Variants in RGS6 observed in about 807,000 individuals in gnomAD.
RGS6 encodes regulator of G-protein signaling 6.
RGS6 carries 30 observed loss-of-function variants against 78.5 expected under a neutral mutation model. The observed-to-expected ratio is 0.38, with a 90% CI of 0.29 to 0.52. The LOEUF is 0.52. Among genes scored for constraint, RGS6 ranks in the 20% least tolerant of loss-of-function variants. The probability of loss-of-function intolerance (pLI) is 0.85; values close to 1 mark genes in which losing one functional copy is unlikely to be tolerated. For synonymous variants in RGS6, 206 were observed against 206.0 expected, an observed-to-expected ratio of 1.00 and a Z score of 0.00; for missense variants, 495 against 609.7, an observed-to-expected ratio of 0.81 and a Z score of 1.98.
chr14:72,399,474 G>T (rs138567146), intron 3 of RGS6, among the ~76,000 whole-genome samples: 5,820 of 152,104 alleles, frequency 0.038, 437 homozygotes, highest in East Asian at 0.34. Context: ...GCTGGGTCTT[G>T]ACTCTATCCA....
chr14:72,295,280 G>A (rs1326143701), intron 2 of RGS6, among the ~76,000 whole-genome samples: 1 of 142,762 alleles, frequency 7.0e-6, no homozygotes, highest in African/African-American at 2.7e-5. Context: ...GACAGAGCGA[G>A]ACTCCGTCTC....
At position 72,536,244 on chromosome 14, in the gene RGS6, C is replaced by T. The variant is rs2097249904; in HGVS notation, c.1337C>T (p.Ala446Val). ...DSYARFLRSN[A>V]YQDLLLAKKK... The stretch of plus-strand genomic sequence containing the variant: ...TATGCCCGCTTCCTCCGGTCAAATG[C>T]TTACCAGGATTTGCTGCTGGCCAAG... The change falls in exon 16 of 18, where the codon GCT (alanine) becomes GTT (valine). Residue 446 changes from alanine to valine, a missense_variant. Transcript: ENST00000553525. 2 of 1,613,894 alleles carry T rather than the reference C, an allele frequency of 1.2e-6. No individual in the cohort carries two copies. The highest frequency in any genetic ancestry group is 2.7e-5 in the African/African-American group (2 of 74,930).
intron 2 of RGS6, among the ~76,000 whole-genome samples, chr14:72,155,895 T>C (rs1293621941): frequency 6.6e-6 from 1 of 152,222 alleles, no homozygotes; most frequent in East Asian, 1.9e-4. Flanking sequence ...GGACCTCAGC[T>C]CTATGCCAGT....
chr14:72,138,034 G>A (rs908262414), intron 2 of RGS6, among the ~76,000 whole-genome samples: 4 of 152,148 alleles, frequency 2.6e-5, no homozygotes, highest in African/African-American at 9.7e-5. Context: ...ACAAAAGGAC[G>A]CTTATTTTGG....
At chr14:72,511,549 A>G (rs952642434) in intron 14 of RGS6, 2 of 152,266 alleles carry the variant, frequency 1.3e-5, no homozygotes, top group Admixed American at 6.5e-5. Context: ...AAATGAGTGT[A>G]AACTCTAAGA....
At chr14:72,495,044 C>T in intron 12 of RGS6, 108 bp from the exon 13 acceptor site, 1 of 695,006 alleles carries the variant, frequency 1.4e-6, no homozygotes, top group South Asian at 1.8e-5. Context: ...TAAATTTTTT[C>T]CTTTAATTTA....
intron 2 of RGS6, among the ~76,000 whole-genome samples, chr14:72,348,847 C>T (rs369193325): frequency 1.3e-5 from 2 of 152,248 alleles, no homozygotes; most frequent in Admixed American, 1.3e-4. Flanking sequence ...TAGAGCAAAC[C>T]ACTTCAAACT....
At chr14:71,875,514 G>A in the RGS6 span, among the ~76,000 whole-genome samples, 3 of 152,044 alleles carry the variant, frequency 2.0e-5, no homozygotes, top group African/African-American at 7.2e-5. Flanking sequence ...TTTTTATTGT[G>A]TCTATTTGAT....
At chr14:71,916,076 T>C in the RGS6 span, among the ~76,000 whole-genome samples, 1 of 152,348 alleles carries the variant, frequency 6.6e-6, no homozygotes, top group East Asian at 1.9e-4. Context: ...TTGTATTTTC[T>C]CATGGCAGTC....
chr14:72,411,267 C>T (rs1379524431), intron 3 of RGS6, among the ~76,000 whole-genome samples: 3 of 152,110 alleles, frequency 2.0e-5, no homozygotes, highest in Non-Finnish European at 4.4e-5. Context: ...TTGTAGTTCT[C>T]CTTGAAGAGG....
intron 2 of RGS6, among the ~76,000 whole-genome samples, chr14:72,268,356 C>G (rs1010217410): frequency 2.6e-5 from 4 of 152,120 alleles, no homozygotes; most frequent in African/African-American, 9.7e-5. Context: ...TTCTTTCTTT[C>G]CTTCATTTCA....
intron 2 of RGS6, among the ~76,000 whole-genome samples, chr14:71,977,499 G>A (rs1193141072): frequency 6.8e-6 from 1 of 147,204 alleles, no homozygotes. Context: ...AGTTTTCCCA[G>A]CACCATTTAT....
chr14:71,889,068 A>G, the RGS6 span, among the ~76,000 whole-genome samples: 1 of 152,108 alleles, frequency 6.6e-6, no homozygotes, highest in East Asian at 1.9e-4. Context: ...GAAAAATCTA[A>G]ACAAATGAAT....
chr14:72,068,498 A>AT (rs11330539), intron 2 of RGS6, among the ~76,000 whole-genome samples: 3,670 of 117,274 alleles, frequency 0.031, 106 homozygotes, highest in African/African-American at 0.052. Flanking sequence ...CACTCTTCCT[A>AT]TTTTTTTTTT....
chr14:71,951,234 G>A (rs939951527), intron 1 of RGS6, among the ~76,000 whole-genome samples: 2 of 152,058 alleles, frequency 1.3e-5, no homozygotes, highest in Non-Finnish European at 1.5e-5. Flanking sequence ...CCATAAAAAG[G>A]AACGAGATCA....
intron 2 of RGS6, among the ~76,000 whole-genome samples, chr14:72,087,588 G>T (rs560124028): frequency 1.5e-3 from 232 of 151,534 alleles, no homozygotes; most frequent in African/African-American, 5.3e-3. Context: ...ATTATAGCTT[G>T]GTTATAAAAT....
chr14:72,604,324 A>G, the RGS6 span, among the ~76,000 whole-genome samples: 1 of 152,142 alleles, frequency 6.6e-6, no homozygotes, highest in Non-Finnish European at 1.5e-5. Flanking sequence ...TGGAAAGCCC[A>G]TCCCCAATCC....
intron 1 of RGS6, among the ~76,000 whole-genome samples, chr14:71,963,151 A>G (rs1314734507): frequency 1.3e-5 from 2 of 152,216 alleles, no homozygotes; most frequent in African/African-American, 4.8e-5. Context: ...CTCAGAGCAT[A>G]TAGCAGGTGT....
At chr14:72,372,681 A>C (rs1414457658) in intron 3 of RGS6, among the ~76,000 whole-genome samples, 1 of 152,174 alleles carries the variant, frequency 6.6e-6, no homozygotes, top group Non-Finnish European at 1.5e-5. Context: ...ACACTTTCTA[A>C]ATCTAAATTT....
Sources: gnomAD v4.1 joint callset for allele counts (sites outside exome capture counted in the v4.1 genomes callset) on GRCh38, gnomAD v4.1.1 for gene constraint, MANE v1.5 for transcripts, NCBI Gene and HGNC (gene_info 2026-07-23, HGNC 2026-07-21) for gene names.